The following SEC14L2 variants were observed in gnomAD, a reference collection of about 807,000 sequenced individuals.
SEC14L2 encodes the protein SEC14-like protein 2.
Under a neutral mutation model 56.9 loss-of-function variants are expected in SEC14L2, and 50 were observed. The ratio of observed to expected loss-of-function variants is 0.88; its 90% CI spans 0.70 to 1.11. The LOEUF (loss-of-function observed/expected upper bound fraction) is 1.11, where lower values mean the gene tolerates loss of function less well. SEC14L2 is among the 50% of genes most tolerant of loss of function. The probability of loss-of-function intolerance (pLI) is 0.00; values close to 1 mark genes in which losing one functional copy is unlikely to be tolerated. For missense variants in SEC14L2, 414 were observed against 500.7 expected (o/e 0.83, Z 1.65); for synonymous variants, 179 against 188.5 (o/e 0.95, Z 0.41).
intron 2 of SEC14L2, among the ~76,000 whole-genome samples, chr22:30,402,431 C>G (rs1234656888): frequency 1.3e-5 from 2 of 152,168 alleles, no homozygotes; most frequent in African/African-American, 4.8e-5. Context: ...TTCAGGCACA[C>G]CCTACCCCCT....
At chr22:30,407,073 T>C (rs1294662339) in intron 3 of SEC14L2, 22 bp from the exon 4 acceptor site, 4 of 1,612,958 alleles carry the variant, frequency 2.5e-6, no homozygotes, top group East Asian at 4.5e-5. Context: ...CTTTTAAAAA[T>C]TTCCCCATTG....
chr22:30,406,440 G>A lies in SEC14L2; in HGVS notation c.174+55G>A, dbSNP rs374463744. 95 of 1,579,992 alleles carry A rather than the reference G, an allele frequency of 6.0e-5. No homozygotes were observed. The Admixed American group carries it at 6.9e-4, about 11-fold the overall frequency. On this transcript the variant is annotated intron_variant, in intron 3 of 11. Coordinates refer to ENST00000615189, the MANE Select transcript of SEC14L2 (RefSeq NM_012429.5). ...CCTCCCCATCAGAATCACTCCTTGC[G>A]TGGACTTCTTTTGCCGCACCTCCCA...
chr22:30,416,818 C>G, intron 11 of SEC14L2: 1 of 1,129,858 alleles, frequency 8.9e-7, no homozygotes, highest in African/African-American at 1.6e-5. Context: ...GCAGCCTTCA[C>G]CCCTGAGTTT....
At chr22:30,400,403 T>C (rs536073607) in intron 2 of SEC14L2, 7 of 152,302 alleles carry the variant, frequency 4.6e-5, no homozygotes, top group African/African-American at 1.7e-4. Flanking sequence ...GAACTCTGCA[T>C]GTGGTGTTGA....
intron 8 of SEC14L2, among the ~76,000 whole-genome samples, chr22:30,411,282 GA>G (rs757973568): frequency 6.6e-6 from 1 of 151,938 alleles, no homozygotes; most frequent in Non-Finnish European, 1.5e-5. Flanking sequence ...CCTAGAGAGA[GA>G]AAGCTATGAT....
At position 30,407,148 on chromosome 22, in the gene SEC14L2, T is replaced by C. The variant is rs926152515; in HGVS notation, c.228T>C (p.Pro76=). Residue 76 remains proline (P), a synonymous_variant, in exon 4 of 12, where the codon CCT becomes CCC. Transcript: ENST00000615189. ...KDIDNIISWQ[P]PEVIQQYLSG... ...TTGACAACATCATTAGCTGGCAGCC[T>C]CCAGAGGTGAGCACAAATTATCCCA... 18 of 1,613,870 alleles carry C rather than the reference T, an allele frequency of 1.1e-5. No individual in the cohort carries two copies. The highest frequency in any genetic ancestry group is 1.4e-5 in the Non-Finnish European group (16 of 1,180,002).
At chr22:30,416,197 G>A in intron 10 of SEC14L2, 37 bp from the exon 11 acceptor site, 1 of 1,609,718 alleles carries the variant, frequency 6.2e-7, no homozygotes, top group Non-Finnish European at 8.5e-7. Flanking sequence ...GGCACACACA[G>A]ACAGAATTAT....
At chr22:30,420,667 G>A (rs1390779658) in intron 11 of SEC14L2, 1 of 152,138 alleles carries the variant, frequency 6.6e-6, no homozygotes, top group African/African-American at 2.4e-5. Context: ...GAAAGAGTGG[G>A]TGGTGTGTCT....
Position 30,415,772 on chromosome 22 carries a change from G to A in SEC14L2, c.678G>A (p.Glu226=). ...CTCTCCTGCCAGCAAATTGGAAGGA[G>A]GTTTTACTGAAACATATCAGCCCTG... ...KIMVLGANWK[E]VLLKHISPDQ... is the part of the protein sequence containing the mutation. Residue 226 remains glutamate (E), a synonymous_variant, in exon 9 of 12, where the codon GAG becomes GAA. Transcript: ENST00000615189. The A allele has an allele frequency of 6.2e-7, 1 of 1,614,108 alleles. No homozygotes were observed. The highest frequency in any genetic ancestry group is 8.5e-7 in the Non-Finnish European group (1 of 1,180,000).
In SEC14L2 at chr22:30,422,939, A is replaced by C. The variant is rs1185930073; in HGVS notation, c.*532A>C. ...CTTTTGGCTTTTCCCAGGTCTCAGGAGGTGGCCTGAGTCAGCACACATCTT... is the reference window on the plus strand; with the variant it reads ...CTTTTGGCTTTTCCCAGGTCTCAGGCGGTGGCCTGAGTCAGCACACATCTT... On this transcript the variant is annotated 3_prime_UTR_variant, in exon 12 of 12. Transcript: ENST00000615189. 2 of 153,176 alleles carry C rather than the reference A, an allele frequency of 1.3e-5. No individual in the cohort carries two copies. Among genetic ancestry groups the C allele is most frequent in the Non-Finnish European group, 2.9e-5 (2 of 68,446 alleles). 9.5% of individuals were successfully genotyped at this position (153,176 alleles called of 1,614,324 possible). A position where few individuals can be genotyped will look rare whatever the true frequency, so the allele number is the denominator to read the frequency against.
chr22:30,424,072 G>T lies in SEC14L2; in HGVS notation c.*1665G>T, dbSNP rs1455445970. On this transcript the variant is annotated 3_prime_UTR_variant, in exon 12 of 12. Transcript: ENST00000615189. ...TTGTCTTCCGCCATCTTTGATCAGG[G>T]CACTAAGGATGCTCCCCACGGCCTT... The T allele has an allele frequency of 6.5e-6, 1 of 153,000 alleles. No individual in the cohort carries two copies. Among genetic ancestry groups the T allele is most frequent in the African/African-American group, 2.4e-5 (1 of 41,458 alleles). 9.5% of individuals were successfully genotyped at this position (153,000 alleles called of 1,614,324 possible).
chr22:30,422,323 G>A lies in SEC14L2; in HGVS notation c.1128G>A (p.Lys376=), dbSNP rs9608908. 2.5e-6 allele frequency: 4 copies of A among 1,614,194 alleles called. No individual in the cohort carries two copies. In the Admixed American group the frequency reaches 5.0e-5, roughly 20 times the overall value. ...DNTYSFIHAK[K]VNFTVEVLLP... ...CCTACAGCTTCATTCATGCCAAGAAGGTCAATTTCACTGTGGAGGTCCTGC... is the reference window on the plus strand; with the variant it reads ...CCTACAGCTTCATTCATGCCAAGAAAGTCAATTTCACTGTGGAGGTCCTGC... Residue 376 remains lysine (K), a synonymous_variant, in exon 12 of 12, where the codon AAG becomes AAA. Coordinates refer to ENST00000615189, the MANE Select transcript of SEC14L2 (RefSeq NM_012429.5).
chr22:30,416,654 G>A (rs1398074504), intron 11 of SEC14L2: 12 of 1,429,728 alleles, frequency 8.4e-6, no homozygotes, highest in East Asian at 5.0e-5. Context: ...AGTCCTAGGC[G>A]ATCACAGGGG....
intron 3 of SEC14L2, 35 bp downstream of exon 3, chr22:30,406,420 C>A (rs747240480): frequency 1.2e-6 from 2 of 1,610,124 alleles, no homozygotes; most frequent in East Asian, 4.5e-5. Flanking sequence ...CAGTTCCTCC[C>A]CATCAGAATC....
At chr22:30,402,557 AG>A (rs1410323793) in intron 2 of SEC14L2, among the ~76,000 whole-genome samples, 1 of 152,196 alleles carries the variant, frequency 6.6e-6, no homozygotes, top group African/African-American at 2.4e-5. Flanking sequence ...AAGCAGAATC[AG>A]GGCAGAAACC....
intron 1 of SEC14L2, chr22:30,397,984 G>T (rs1446746384): frequency 1.2e-5 from 5 of 429,884 alleles, no homozygotes; most frequent in African/African-American, 2.0e-5. Flanking sequence ...GAGTGAGGAG[G>T]TCGGCTCTTC....
At chr22:30,402,543 T>C (rs1410305728) in intron 2 of SEC14L2, among the ~76,000 whole-genome samples, 1 of 152,024 alleles carries the variant, frequency 6.6e-6, no homozygotes, top group Non-Finnish European at 1.5e-5. Context: ...TTACAGTTAA[T>C]GCGAAGCAGA....
In SEC14L2 at chr22:30,423,477, CCCAAAGGCGGGGCCGG is replaced by C. The variant is rs1934577307; in HGVS notation, c.*1072_*1087del. On this transcript the variant is annotated 3_prime_UTR_variant, in exon 12 of 12. Coordinates refer to ENST00000615189, the MANE Select transcript of SEC14L2 (RefSeq NM_012429.5). ...TGGAGGCCCCCCAGGCAGGAGGCCG[CCCAAAGGCGGGGCCGG>C]CGTCTCGCAGACTAGGGGCTGGGGG... The C allele has an allele frequency of 6.6e-6, 1 of 152,548 alleles. No individual in the cohort carries two copies. Among genetic ancestry groups the C allele is most frequent in the Admixed American group, 6.5e-5 (1 of 15,296 alleles). 9.4% of individuals were successfully genotyped at this position (152,548 alleles called of 1,614,324 possible). A position where few individuals can be genotyped will look rare whatever the true frequency, so the allele number is the denominator to read the frequency against.
chr22:30,414,370 C>G (rs1934331701), intron 8 of SEC14L2, among the ~76,000 whole-genome samples: 1 of 152,180 alleles, frequency 6.6e-6, no homozygotes, highest in South Asian at 2.1e-4. Context: ...AAAACTCTTT[C>G]AACCAAACCT....
Sources: allele counts gnomAD v4.1 joint callset (sites outside exome capture counted in the v4.1 genomes callset), GRCh38; gene constraint gnomAD v4.1.1; transcripts MANE v1.5; gene names NCBI Gene and HGNC (gene_info 2026-07-23, HGNC 2026-07-21).